Variants in FANCL observed in about 807,000 individuals in gnomAD.
The protein encoded by FANCL is E3 ubiquitin-protein ligase FANCL.
Under a neutral mutation model 59.4 loss-of-function variants are expected in FANCL, and 69 were observed. That is an observed-to-expected ratio of 1.16 (90% CI 0.96 to 1.42). The LOEUF (loss-of-function observed/expected upper bound fraction) is 1.42, where lower values mean the gene tolerates loss of function less well. Among genes scored for constraint, FANCL ranks in the 40% most tolerant of loss-of-function variants. FANCL has a pLI of 0.00. For missense variants in FANCL, 519 were observed against 447.2 expected, an observed-to-expected ratio of 1.16 and a Z score of -1.45; for synonymous variants, 180 against 147.1, an observed-to-expected ratio of 1.22 and a Z score of -1.62.
At chr2:58,222,327 T>A (rs199772991) in intron 4 of FANCL, among the ~76,000 whole-genome samples, 67 of 138,966 alleles carry the variant, frequency 4.8e-4, no homozygotes, top group South Asian at 6.8e-4. Flanking sequence ...AAAAAAAAAA[T>A]TTTTATTAAA....
intron 5 of FANCL, among the ~76,000 whole-genome samples, chr2:58,206,109 G>C (rs1322365988): frequency 6.6e-6 from 1 of 151,990 alleles, no homozygotes; most frequent in African/African-American, 2.4e-5. Context: ...AAAGATACCA[G>C]AATGGAAAAT....
intron 2 of FANCL, 122 bp downstream of exon 2, chr2:58,231,932 G>C: frequency 1.3e-6 from 1 of 775,264 alleles, no homozygotes; most frequent in Non-Finnish European, 2.2e-6. Flanking sequence ...TGTTTCTTTT[G>C]GGGCAAATGA....
intron 5 of FANCL, among the ~76,000 whole-genome samples, chr2:58,220,354 G>A (rs1692346689): frequency 6.6e-6 from 1 of 152,170 alleles, no homozygotes. Context: ...ACCAAAAGAG[G>A]TATGGCCCAC....
At chr2:58,184,969 T>A (rs1390733670) in intron 7 of FANCL, among the ~76,000 whole-genome samples, 1 of 152,062 alleles carries the variant, frequency 6.6e-6, no homozygotes, top group African/African-American at 2.4e-5. Flanking sequence ...CCACAGACTT[T>A]AAAAAATCTA....
chr2:58,176,053 C>G (rs1417620522), intron 7 of FANCL, among the ~76,000 whole-genome samples: 2 of 151,978 alleles, frequency 1.3e-5, no homozygotes, highest in African/African-American at 2.4e-5. Context: ...AACAAAATAC[C>G]TAGGAATCCA....
intron 7 of FANCL, among the ~76,000 whole-genome samples, chr2:58,167,137 G>T (rs560147347): frequency 6.6e-6 from 1 of 152,290 alleles, no homozygotes; most frequent in African/African-American, 2.4e-5. Flanking sequence ...ACTTGAACCC[G>T]GGAGGCAGAG....
intron 8 of FANCL, among the ~76,000 whole-genome samples, chr2:58,165,389 A>C (rs1186310577): frequency 6.6e-6 from 1 of 152,178 alleles, no homozygotes; most frequent in Non-Finnish European, 1.5e-5. Context: ...TCACAAATGA[A>C]GACTGCATTA....
At chr2:58,207,532 C>T (rs1690713004) in intron 5 of FANCL, among the ~76,000 whole-genome samples, 1 of 152,166 alleles carries the variant, frequency 6.6e-6, no homozygotes, top group Non-Finnish European at 1.5e-5. Flanking sequence ...GACCATCTGC[C>T]TACCTCTGAA....
chr2:58,170,913 C>A (rs144246902), intron 7 of FANCL, among the ~76,000 whole-genome samples: 2 of 152,124 alleles, frequency 1.3e-5, no homozygotes, highest in South Asian at 4.1e-4. Flanking sequence ...AAGACTCCCA[C>A]ACAATAATAG....
At chr2:58,188,790 T>C (rs374836948) in intron 7 of FANCL, among the ~76,000 whole-genome samples, 4 of 150,766 alleles carry the variant, frequency 2.7e-5, no homozygotes, top group East Asian at 3.9e-4. Context: ...AAAAGAGCTG[T>C]TGGGATTTTG....
intron 7 of FANCL, among the ~76,000 whole-genome samples, chr2:58,175,080 C>A (rs1480915162): frequency 1.3e-5 from 2 of 150,690 alleles, no homozygotes; most frequent in Admixed American, 6.6e-5. Flanking sequence ...CAAGACTAAA[C>A]CAGGAAGAAG....
chr2:58,168,305 C>A (rs1212813302), intron 7 of FANCL, among the ~76,000 whole-genome samples: 1 of 151,970 alleles, frequency 6.6e-6, no homozygotes, highest in Non-Finnish European at 1.5e-5. Flanking sequence ...GAGGGCGAGC[C>A]AAAGCAGGGT....
Position 58,221,187 on chromosome 2 carries a change from C to CA in FANCL, c.374+754dup, listed in dbSNP as rs879762449. ...TAGGCAACAGAGCGAGACTCGGTCT[C>CA]AAAAAAAAAAAAGTGATAAGAACTA... On this transcript the variant is annotated intron_variant, in intron 5 of 13. Coordinates refer to ENST00000233741, the MANE Select transcript of FANCL (RefSeq NM_018062.4). Among the ~76,000 whole-genome samples, 982 of 136,770 alleles carry CA rather than the reference C, an allele frequency of 7.2e-3. 12 individuals are homozygous for CA. The highest frequency in any genetic ancestry group is 0.023 in the African/African-American group (853 of 37,324). The allele number at this position is 136,770 out of a possible 152,430, so 89.7% of individuals were successfully genotyped here.
intron 7 of FANCL, among the ~76,000 whole-genome samples, chr2:58,182,196 T>A (rs999000363): frequency 1.3e-5 from 2 of 151,852 alleles, no homozygotes; most frequent in African/African-American, 4.8e-5. Flanking sequence ...TTTTCCACAA[T>A]GAAAATCGTA....
chr2:58,160,783 G>A (rs1301928656), intron 12 of FANCL, among the ~76,000 whole-genome samples: 1 of 151,960 alleles, frequency 6.6e-6, no homozygotes. Flanking sequence ...GTAAATAGAT[G>A]CCTCTGCCTA....
chr2:58,202,753 C>A (rs1387395357), intron 6 of FANCL, among the ~76,000 whole-genome samples: 1 of 151,572 alleles, frequency 6.6e-6, no homozygotes, highest in Non-Finnish European at 1.5e-5. Flanking sequence ...CTGAATACTG[C>A]CAATAAATGA....
At chr2:58,209,504 T>A (rs1690921498) in intron 5 of FANCL, among the ~76,000 whole-genome samples, 1 of 152,152 alleles carries the variant, frequency 6.6e-6, no homozygotes, top group African/African-American at 2.4e-5. Flanking sequence ...ATGTCTATGC[T>A]ATTATGTTTT....
intron 7 of FANCL, among the ~76,000 whole-genome samples, chr2:58,178,220 C>T (rs73944826): frequency 0.03 from 4,515 of 152,142 alleles, 240 homozygotes; most frequent in African/African-American, 0.1. Flanking sequence ...ATGACTCCTC[C>T]CTAACTCATT....
chr2:58,186,696 T>C (rs534686761), intron 7 of FANCL, among the ~76,000 whole-genome samples: 41 of 152,008 alleles, frequency 2.7e-4, no homozygotes, highest in Admixed American at 1.4e-3. Context: ...TATGTATGCC[T>C]TGTGGCTTCC....
Sources: allele counts gnomAD v4.1 joint callset (sites outside exome capture counted in the v4.1 genomes callset), GRCh38; gene constraint gnomAD v4.1.1; transcripts MANE v1.5; gene names NCBI Gene and HGNC (gene_info 2026-07-23, HGNC 2026-07-21).